ST6GAL1: variants seen among roughly 807,000 people sequenced by gnomAD.
ST6GAL1 encodes the protein ST6 beta-galactoside alpha-2,6-sialyltransferase 1.
Under a neutral mutation model 38.0 loss-of-function variants are expected in ST6GAL1, and 20 were observed. That is an observed-to-expected ratio of 0.53 (90% CI 0.37 to 0.77). The LOEUF is 0.77. Ranked by LOEUF, ST6GAL1 falls within the 30% of genes least tolerant of loss-of-function variation. The pLI is 0.00. For missense variants in ST6GAL1, 432 were observed against 496.4 expected (o/e 0.87, Z 1.23); for synonymous variants, 196 against 188.2 (o/e 1.04, Z -0.34).
rs760144708 is a variant in ST6GAL1, at chr3:187,040,399, C to G, written c.-51+1526C>G. The stretch of plus-strand genomic sequence containing the variant: ...CTTGATCACACTGACTTCTCACTGT[C>G]CCTTATCACAGATGCATGTCCTTGG... On this transcript the variant is annotated intron_variant, in intron 3 of 7. Transcript: ENST00000169298. 6.6e-5 allele frequency among the ~76,000 whole-genome samples: 10 copies of G among 152,328 alleles called. No homozygotes were observed. The Middle Eastern group carries it at 0.02, about 311-fold the overall frequency.
chr3:186,971,656 T>G lies in ST6GAL1; in HGVS notation c.-183+7730T>G, dbSNP rs1715354049. 1.3e-5 allele frequency among the ~76,000 whole-genome samples: 2 copies of G among 152,358 alleles called. 1 individual carries two copies. Among genetic ancestry groups the G allele is most frequent in the South Asian group, 4.1e-4 (2 of 4,832 alleles). On this transcript the variant is annotated intron_variant, in intron 2 of 7. Transcript: ENST00000169298. Reference sequence around the variant, plus strand: ...TTCACCAGTTATAGGAAATCTTTAGTCATTGTCCTGGGTAGCCCATGAAAA... The same window carrying G: ...TTCACCAGTTATAGGAAATCTTTAGGCATTGTCCTGGGTAGCCCATGAAAA...
intron 5 of ST6GAL1, among the ~76,000 whole-genome samples, chr3:187,054,072 G>C (rs540568156): frequency 3.5e-4 from 54 of 152,274 alleles, no homozygotes; most frequent in Admixed American, 5.9e-4. Context: ...TTGTGAATGA[G>C]AGTTCACTCA....
intron 2 of ST6GAL1, among the ~76,000 whole-genome samples, chr3:186,965,158 AACCC>A (rs1715062595): frequency 6.6e-6 from 1 of 152,112 alleles, no homozygotes; most frequent in Admixed American, 6.5e-5. Flanking sequence ...GGCAGATGAA[AACCC>A]ACCATTTACT....
intron 2 of ST6GAL1, among the ~76,000 whole-genome samples, chr3:186,994,069 C>G (rs1716279999): frequency 6.6e-6 from 1 of 152,212 alleles, no homozygotes; most frequent in Admixed American, 6.5e-5. Flanking sequence ...GTCTTCAATC[C>G]TTAAATATCA....
intron 2 of ST6GAL1, among the ~76,000 whole-genome samples, chr3:187,023,037 G>T (rs1327763293): frequency 6.6e-6 from 1 of 152,094 alleles, no homozygotes; most frequent in African/African-American, 2.4e-5. Context: ...AAAAGGGAGG[G>T]GTATGATGAG....
In ST6GAL1 at chr3:186,956,966, A is replaced by G. The variant is rs150671904; in HGVS notation, c.-324-6819A>G. 1.6e-4 allele frequency among the ~76,000 whole-genome samples: 25 copies of G among 152,348 alleles called. No individual in the cohort carries two copies. The East Asian group carries it at 3.9e-3, about 23-fold the overall frequency. On this transcript the variant is annotated intron_variant, in intron 1 of 7. Transcript: ENST00000169298. ...AAACTTCACAAAACCTGTAATTACT[A>G]GTCTAAGAGAGATAAGAGAATATGT...
chr3:187,009,920 G>A (rs550624316), intron 2 of ST6GAL1, among the ~76,000 whole-genome samples: 6 of 152,172 alleles, frequency 3.9e-5, no homozygotes, highest in African/African-American at 9.6e-5. Context: ...CAGGAGAATC[G>A]CTTGAACCCG....
chr3:187,009,191 A>G (rs1402370781), intron 2 of ST6GAL1, among the ~76,000 whole-genome samples: 1 of 151,452 alleles, frequency 6.6e-6, no homozygotes, highest in African/African-American at 2.4e-5. Flanking sequence ...TTCAATCTAT[A>G]TTGTGAGCAT....
At chr3:186,981,166 G>A (rs1162613701) in intron 2 of ST6GAL1, among the ~76,000 whole-genome samples, 1 of 152,228 alleles carries the variant, frequency 6.6e-6, no homozygotes, top group Non-Finnish European at 1.5e-5. Flanking sequence ...GAATTGGACA[G>A]CACTCAGAAC....
chr3:187,024,485 TATATATATAG>T (rs1380981936), intron 2 of ST6GAL1, among the ~76,000 whole-genome samples: 24 of 65,514 alleles, frequency 3.7e-4, no homozygotes, highest in Admixed American at 2.0e-3. Flanking sequence ...TATATATATA[TATATATATAG>T]AGAGAGAGAG....
intron 2 of ST6GAL1, among the ~76,000 whole-genome samples, chr3:187,012,512 CCAAAGTG>C (rs1716988538): frequency 6.6e-6 from 1 of 152,174 alleles, no homozygotes; most frequent in Non-Finnish European, 1.5e-5. Context: ...CCTCAGCCTC[CCAAAGTG>C]CTGGGATTAC....
intron 1 of ST6GAL1, among the ~76,000 whole-genome samples, chr3:186,948,526 C>G (rs996286529): frequency 7.8e-6 from 1 of 128,524 alleles, no homozygotes; most frequent in East Asian, 2.2e-4. Flanking sequence ...TTCAGAAACT[C>G]TAGTGTGTGT....
intron 5 of ST6GAL1, among the ~76,000 whole-genome samples, chr3:187,057,563 G>C (rs1275628091): frequency 1.3e-5 from 2 of 152,188 alleles, no homozygotes; most frequent in East Asian, 3.9e-4. Flanking sequence ...CTGCAGGTCT[G>C]TTGGAGTTTG....
At chr3:186,980,196 C>T (rs1004365006) in intron 2 of ST6GAL1, among the ~76,000 whole-genome samples, 2 of 152,144 alleles carry the variant, frequency 1.3e-5, no homozygotes, top group African/African-American at 4.8e-5. Context: ...GTTAAAAGAG[C>T]AATTCCCAGG....
At chr3:187,072,823 G>T (rs759687307) in intron 5 of ST6GAL1, 26 bp from the exon 6 acceptor site, 10 of 1,595,914 alleles carry the variant, frequency 6.3e-6, no homozygotes, top group South Asian at 1.1e-5. Flanking sequence ...ATGTTCAAGC[G>T]ACAGCTTATC....
At chr3:186,959,710 T>C (rs1318640793) in intron 1 of ST6GAL1, among the ~76,000 whole-genome samples, 1 of 152,188 alleles carries the variant, frequency 6.6e-6, no homozygotes, top group Non-Finnish European at 1.5e-5. Flanking sequence ...TTACTGTGTT[T>C]TGGGTGCAGT....
intron 5 of ST6GAL1, among the ~76,000 whole-genome samples, chr3:187,057,090 G>A (rs1228252135): frequency 2.6e-5 from 4 of 151,970 alleles, no homozygotes; most frequent in Non-Finnish European, 2.9e-5. Flanking sequence ...CCACTTGATC[G>A]CATTGGCTAT....
At chr3:187,016,253 A>C (rs1717112395) in intron 2 of ST6GAL1, among the ~76,000 whole-genome samples, 1 of 152,188 alleles carries the variant, frequency 6.6e-6, no homozygotes, top group South Asian at 2.1e-4. Flanking sequence ...TGCCAGCCAG[A>C]CATTCTATTC....
intron 4 of ST6GAL1, among the ~76,000 whole-genome samples, chr3:187,044,574 T>C (rs1203677799): frequency 6.6e-6 from 1 of 152,228 alleles, no homozygotes; most frequent in Non-Finnish European, 1.5e-5. Context: ...ATGTGATTGG[T>C]TTTTGTTCAT....
Sources: allele counts gnomAD v4.1 joint callset (sites outside exome capture counted in the v4.1 genomes callset), GRCh38; gene constraint gnomAD v4.1.1; transcripts MANE v1.5; gene names NCBI Gene and HGNC (gene_info 2026-07-23, HGNC 2026-07-21).